Variants in SDHC observed in about 807,000 individuals in gnomAD.
SDHC encodes succinate dehydrogenase cytochrome b560 subunit, mitochondrial.
SDHC carries 11 observed loss-of-function variants against 22.6 expected under a neutral mutation model. The ratio of observed to expected loss-of-function variants is 0.49; its 90% CI spans 0.31 to 0.81. The LOEUF is 0.81. Ranked by LOEUF, SDHC falls within the 30% of genes least tolerant of loss-of-function variation. SDHC has a pLI of 0.05. For synonymous variants in SDHC, 80 were observed against 77.8 expected (o/e 1.03, Z -0.15); for missense variants, 160 against 212.0 (o/e 0.75, Z 1.52).
chr1:161,320,879 T>C (rs1670812533), intron 1 of SDHC, among the ~76,000 whole-genome samples: 1 of 144,636 alleles, frequency 6.9e-6, no homozygotes, highest in Admixed American at 7.3e-5. Context: ...CAGGCTGGAG[T>C]GCAGTGGCCC....
chr1:161,339,495 G>A, intron 3 of SDHC: 2 of 852,560 alleles, frequency 2.3e-6, no homozygotes, highest in Non-Finnish European at 3.3e-6. Context: ...ACTTTAATGA[G>A]TGTCTTTGAC....
intron 3 of SDHC, among the ~76,000 whole-genome samples, chr1:161,334,815 T>G (rs1308424685): frequency 6.6e-6 from 1 of 152,172 alleles, no homozygotes. Context: ...ATTCATAGGT[T>G]CTAGAGATTA....
chr1:161,358,380 A>G (rs1161379759), intron 5 of SDHC, among the ~76,000 whole-genome samples: 1 of 151,434 alleles, frequency 6.6e-6, no homozygotes, highest in Non-Finnish European at 1.5e-5. Flanking sequence ...AAGTGCTGGG[A>G]TTACAGGCGC....
intron 3 of SDHC, among the ~76,000 whole-genome samples, chr1:161,338,134 G>T (rs1185374957): frequency 6.6e-6 from 1 of 152,092 alleles, no homozygotes; most frequent in African/African-American, 2.4e-5. Context: ...CTCTGTCCTT[G>T]GTTATGTGTC....
At chr1:161,338,169 G>T (rs898155367) in intron 3 of SDHC, among the ~76,000 whole-genome samples, 1 of 151,996 alleles carries the variant, frequency 6.6e-6, no homozygotes, top group East Asian at 1.9e-4. Flanking sequence ...TTATATTTCT[G>T]TTGTTAAATC....
intron 5 of SDHC, among the ~76,000 whole-genome samples, chr1:161,357,737 C>T (rs74127658): frequency 0.12 from 17,826 of 152,012 alleles, 1,421 homozygotes; most frequent in African/African-American, 0.22. Flanking sequence ...AAAAGAGATC[C>T]CTGAAGGCAT....
intron 3 of SDHC, among the ~76,000 whole-genome samples, chr1:161,333,401 CTTTTTTTTTTT>C (rs71581410): frequency 4.6e-5 from 6 of 130,422 alleles, no homozygotes; most frequent in Non-Finnish European, 9.9e-5. Flanking sequence ...CTATGTTTAA[CTTTTTTTTTTT>C]TTTTTTTTTT....
intron 4 of SDHC, among the ~76,000 whole-genome samples, chr1:161,353,531 C>T (rs1375737662): frequency 2.0e-5 from 3 of 152,182 alleles, no homozygotes; most frequent in African/African-American, 7.2e-5. Context: ...AAATGTTCAT[C>T]AAACTGTTTG....
intron 1 of SDHC, among the ~76,000 whole-genome samples, chr1:161,317,292 T>C (rs1670653445): frequency 6.6e-6 from 1 of 152,028 alleles, no homozygotes; most frequent in Non-Finnish European, 1.5e-5. Flanking sequence ...CCTCCCAAAG[T>C]GCTGAGATTA....
chr1:161,320,828 A>ATTTTTTTTTTT (rs71270444), intron 1 of SDHC, among the ~76,000 whole-genome samples: 7 of 127,658 alleles, frequency 5.5e-5, no homozygotes, highest in African/African-American at 1.6e-4. Flanking sequence ...TTCAGTCTTG[A>ATTTTTTTTTTT]TTTTTTTTTT....
chr1:161,340,179 C>T (rs1257058294), intron 3 of SDHC, among the ~76,000 whole-genome samples: 2 of 151,982 alleles, frequency 1.3e-5, no homozygotes, highest in Non-Finnish European at 2.9e-5. Flanking sequence ...ATCCCAGCTA[C>T]TCAGGAGGCT....
chr1:161,317,705 G>C (rs1439729039), intron 1 of SDHC, among the ~76,000 whole-genome samples: 1 of 151,082 alleles, frequency 6.6e-6, no homozygotes, highest in Non-Finnish European at 1.5e-5. Context: ...AGGACTACAG[G>C]CGTGTGCCAC....
intron 5 of SDHC, 103 bp downstream of exon 5, chr1:161,356,943 TTC>T: frequency 2.4e-6 from 3 of 1,245,038 alleles, no homozygotes; most frequent in Non-Finnish European, 3.5e-6. Context: ...TTTTTTTTTT[TTC>T]CCAAGAGTGG....
chr1:161,322,687 C>T (rs560821762), intron 1 of SDHC, among the ~76,000 whole-genome samples: 20 of 151,998 alleles, frequency 1.3e-4, no homozygotes, highest in African/African-American at 4.8e-4. Context: ...CCACCTCAGC[C>T]TCCAGAGTAG....
chr1:161,325,658 A>T (rs1350923069), intron 2 of SDHC, among the ~76,000 whole-genome samples: 1 of 152,140 alleles, frequency 6.6e-6, no homozygotes, highest in Non-Finnish European at 1.5e-5. Context: ...GTTGGTTTCA[A>T]CCTAGCCCAG....
chr1:161,360,241 G>C (rs1395475985), intron 5 of SDHC, among the ~76,000 whole-genome samples: 1 of 121,172 alleles, frequency 8.3e-6, no homozygotes, highest in Non-Finnish European at 1.9e-5. Context: ...AGACACAAGA[G>C]AGTCAAAATT....
chr1:161,336,963 G>A (rs888236721), intron 3 of SDHC, among the ~76,000 whole-genome samples: 3 of 151,950 alleles, frequency 2.0e-5, no homozygotes, highest in Non-Finnish European at 2.9e-5. Context: ...TCGACCTCCC[G>A]GGCTCAGGCA....
chr1:161,343,566 C>T (rs1671792681), intron 4 of SDHC, among the ~76,000 whole-genome samples: 1 of 152,070 alleles, frequency 6.6e-6, no homozygotes. Flanking sequence ...TTTTAACCTG[C>T]TTGCACTGAA....
chr1:161,340,005 G>A (rs1671662068), intron 3 of SDHC, among the ~76,000 whole-genome samples: 1 of 151,674 alleles, frequency 6.6e-6, no homozygotes, highest in African/African-American at 2.4e-5. Context: ...AAAGTAAAAA[G>A]TGGAAACACG....
Sources: allele counts gnomAD v4.1 joint callset (sites outside exome capture counted in the v4.1 genomes callset), GRCh38; gene constraint gnomAD v4.1.1; transcripts MANE v1.5; gene names NCBI Gene and HGNC (gene_info 2026-07-23, HGNC 2026-07-21).